Variants in EPB41L1 observed in about 807,000 individuals in gnomAD.
The protein encoded by EPB41L1 is erythrocyte membrane protein band 4.1 like 1.
In EPB41L1, 29 loss-of-function variants were observed where a neutral mutation model predicts 97.8. The observed-to-expected ratio is 0.30, with a 90% CI of 0.22 to 0.40. The LOEUF (loss-of-function observed/expected upper bound fraction) is 0.40, where lower values mean the gene tolerates loss of function less well. Ranked by LOEUF, EPB41L1 falls within the 10% of genes least tolerant of loss-of-function variation. The pLI is 1.00. For synonymous variants in EPB41L1, 383 were observed against 459.2 expected (o/e 0.83, Z 2.12); for missense variants, 812 against 1,162.3 (o/e 0.70, Z 4.38).
rs1398703473 is a variant in EPB41L1 at position 36,232,733 on chromosome 20, A to G, written c.*3393A>G. The G allele has an allele frequency of 2.5e-6, 1 of 397,202 alleles. No homozygotes were observed. The highest frequency in any genetic ancestry group is 4.4e-6 in the Non-Finnish European group (1 of 225,502). The allele number at this position is 397,202 out of a possible 1,614,324, so 24.6% of individuals were successfully genotyped here. A position where few individuals can be genotyped will look rare whatever the true frequency, so the allele number is the denominator to read the frequency against. On this transcript the variant is annotated 3_prime_UTR_variant, in exon 22 of 22. Transcript: ENST00000338074. ...CCCCCACCTCAGTGCTCCGTGCTGT[A>G]TGCGTGTGCTCTCTGTTCTTGTATA...
Position 36,232,790 on chromosome 20 carries a change from C to G in EPB41L1, c.*3450C>G. 1 of 397,614 alleles carries G rather than the reference C, an allele frequency of 2.5e-6. No individual in the cohort carries two copies. Among genetic ancestry groups the G allele is most frequent in the Middle Eastern group, 6.3e-4 (1 of 1,592 alleles). 24.6% of individuals were successfully genotyped at this position (397,614 alleles called of 1,614,324 possible). A position where few individuals can be genotyped will look rare whatever the true frequency, so the allele number is the denominator to read the frequency against. On this transcript the variant is annotated 3_prime_UTR_variant, in exon 22 of 22. Coordinates refer to ENST00000338074, the MANE Select transcript of EPB41L1 (RefSeq NM_012156.2). ...ATAAGTGAAATAAATGTGTTTGATGCTGAACCATACTTCCTTGGCACCTCT... is the reference window on the plus strand; with the variant it reads ...ATAAGTGAAATAAATGTGTTTGATGGTGAACCATACTTCCTTGGCACCTCT...
chr20:36,143,063 G>C (rs80161449), intron 2 of EPB41L1, among the ~76,000 whole-genome samples: 1 of 152,032 alleles, frequency 6.6e-6, no homozygotes, highest in East Asian at 1.9e-4. Flanking sequence ...AACTCCTGCC[G>C]GTTCCGAGTG....
intron 1 of EPB41L1, among the ~76,000 whole-genome samples, chr20:36,107,319 C>T (rs924370539): frequency 8.4e-4 from 125 of 149,488 alleles, no homozygotes; most frequent in Non-Finnish European, 1.4e-3. Context: ...CTCCCGGCTT[C>T]GAGCAATTCT....
intron 9 of EPB41L1, among the ~76,000 whole-genome samples, chr20:36,189,180 C>T (rs1198654561): frequency 1.3e-5 from 2 of 152,164 alleles, no homozygotes; most frequent in African/African-American, 4.8e-5. Context: ...CCATCACACC[C>T]GCCTCCAGCA....
At chr20:36,129,934 G>A (rs983941650) in intron 2 of EPB41L1, among the ~76,000 whole-genome samples, 1 of 130,520 alleles carries the variant, frequency 7.7e-6, no homozygotes, top group East Asian at 2.2e-4. Flanking sequence ...CGGCAGGTTT[G>A]TTTTTTTTTT....
intron 2 of EPB41L1, among the ~76,000 whole-genome samples, chr20:36,174,238 C>T (rs1243618710): frequency 1.3e-5 from 2 of 151,988 alleles, no homozygotes; most frequent in Admixed American, 6.6e-5. Context: ...CAGGCGTGCA[C>T]CACCGCACCT....
intron 1 of EPB41L1, chr20:36,155,213 T>A (rs1213355133): frequency 6.6e-6 from 3 of 455,896 alleles, no homozygotes; most frequent in African/African-American, 6.0e-5. Context: ...TGCTGCCGCC[T>A]CCAGAGGCCA....
At chr20:36,125,298 T>C (rs2058917853) in intron 2 of EPB41L1, 5 of 614,846 alleles carry the variant, frequency 8.1e-6, no homozygotes, top group Non-Finnish European at 5.9e-6. Flanking sequence ...TTCTGGGGAG[T>C]GGAGGATAGG....
chr20:36,191,035 T>C (rs2061925332), intron 11 of EPB41L1, among the ~76,000 whole-genome samples: 2 of 152,116 alleles, frequency 1.3e-5, no homozygotes, highest in Non-Finnish European at 2.9e-5. Context: ...TCCCCACAAC[T>C]TCCCTGAGTC....
At chr20:36,123,973 G>A (rs554772748) in intron 2 of EPB41L1, among the ~76,000 whole-genome samples, 5 of 152,286 alleles carry the variant, frequency 3.3e-5, no homozygotes, top group African/African-American at 1.2e-4. Context: ...ATTTGGCTGG[G>A]TGCAGTGGCC....
rs139094562 is a variant in EPB41L1, at chr20:36,222,404, C to T, written c.2637+10C>T. 1 of 1,604,488 alleles carries T rather than the reference C, an allele frequency of 6.2e-7. No individual in the cohort carries two copies. Among genetic ancestry groups the T allele is most frequent in the Admixed American group, 1.7e-5 (1 of 60,016 alleles). On this transcript the variant is annotated intron_variant, in intron 21 of 21. Transcript: ENST00000338074. ...GGACAAGAAGCCACAGGTAAGGCTC[C>T]TGAGGCCCAGCAACCATGAGAGAGA...
intron 14 of EPB41L1, chr20:36,208,207 C>T (rs2062933202): frequency 2.9e-6 from 1 of 341,996 alleles, no homozygotes; most frequent in African/African-American, 2.2e-5. Context: ...AGTTGACAGT[C>T]CAGAGGTTTC....
At chr20:36,178,744 T>A (rs1011107895) in intron 5 of EPB41L1, 72 bp downstream of exon 5, 2 of 1,468,216 alleles carry the variant, frequency 1.4e-6, no homozygotes, top group South Asian at 1.1e-5. Flanking sequence ...CCCCTTGTAC[T>A]GCTCTCTCCT....
intron 1 of EPB41L1, among the ~76,000 whole-genome samples, chr20:36,158,973 G>A (rs922546132): frequency 2.0e-5 from 3 of 152,168 alleles, no homozygotes; most frequent in African/African-American, 7.2e-5. Flanking sequence ...TTTGGCAACC[G>A]TATGATCCAC....
At chr20:36,197,044 T>A (rs78557816) in intron 13 of EPB41L1, among the ~76,000 whole-genome samples, 1 of 152,068 alleles carries the variant, frequency 6.6e-6, no homozygotes, top group Non-Finnish European at 1.5e-5. Flanking sequence ...CTAATCTTCC[T>A]GAACACTCCA....
intron 19 of EPB41L1, among the ~76,000 whole-genome samples, chr20:36,221,623 T>C (rs924455513): frequency 4.6e-5 from 7 of 152,110 alleles, no homozygotes; most frequent in Admixed American, 1.3e-4. Flanking sequence ...AGAGGCAGCA[T>C]TGGAGCTAGG....
At chr20:36,202,916 G>A (rs567322677) in intron 14 of EPB41L1, among the ~76,000 whole-genome samples, 4 of 151,894 alleles carry the variant, frequency 2.6e-5, no homozygotes, top group East Asian at 3.9e-4. Context: ...AGAGTTTCCT[G>A]TCTGTGCCTT....
upstream of EPB41L1, chr20:36,150,301 C>T (rs2145422616): frequency 6.6e-6 from 1 of 152,274 alleles, no homozygotes; most frequent in South Asian, 2.1e-4. Flanking sequence ...GAACTCCTGA[C>T]CTCAGGTAAT....
rs1003205450 is a variant in EPB41L1, at chr20:36,207,174, G to A, written c.1669-2314G>A. ...CCTCCCATGGGTCAGGGGAGCCTTC[G>A]GAGCTCAGGGAGCCCTTTCTTAGAC... is the stretch of plus-strand genomic sequence containing the variant. On this transcript the variant is annotated intron_variant, in intron 14 of 21. Transcript: ENST00000338074. The surrounding 1 kb of genome is among the most constrained non-coding windows in gnomAD (Gnocchi z 4.9). The A allele has an allele frequency of 1.2e-5, 15 of 1,288,390 alleles. No homozygotes were observed. Among genetic ancestry groups the A allele is most frequent in the African/African-American group, 4.6e-5 (3 of 65,842 alleles). 79.8% of individuals were successfully genotyped at this position (1,288,390 alleles called of 1,614,324 possible).
Sources: allele counts gnomAD v4.1 joint callset (sites outside exome capture counted in the v4.1 genomes callset), GRCh38; gene constraint gnomAD v4.1.1; non-coding constraint Gnocchi (gnomAD v3.1); transcripts MANE v1.5; gene names NCBI Gene and HGNC (gene_info 2026-07-23, HGNC 2026-07-21).